Variants in SLF1 observed in about 807,000 individuals in gnomAD.
SLF1 encodes SMC5/6 complex localization factor 1.
SLF1 carries 105 observed loss-of-function variants against 123.0 expected under a neutral mutation model. The observed-to-expected ratio is 0.85, with a 90% CI of 0.73 to 1.00. The LOEUF (loss-of-function observed/expected upper bound fraction) is 1.00, where lower values mean the gene tolerates loss of function less well. Among genes scored for constraint, SLF1 ranks in the 50% least tolerant of loss-of-function variants. The pLI, the probability that SLF1 is intolerant of heterozygous loss-of-function variation, is 0.00. For missense variants in SLF1, 1,239 were observed against 1,223.0 expected (o/e 1.01, Z -0.20); for synonymous variants, 434 against 406.6 (o/e 1.07, Z -0.81).
chr5:94,690,250 T>G (rs1752922331), intron 18 of SLF1, among the ~76,000 whole-genome samples: 1 of 152,142 alleles, frequency 6.6e-6, no homozygotes, highest in Non-Finnish European at 1.5e-5. Context: ...AATTGCTGAG[T>G]CTTTTTTGTT....
intron 12 of SLF1, among the ~76,000 whole-genome samples, chr5:94,666,374 A>T (rs1196856983): frequency 6.6e-6 from 1 of 152,236 alleles, no homozygotes; most frequent in Non-Finnish European, 1.5e-5. Flanking sequence ...AAAAGTGTAG[A>T]CATTTGTAAC....
intron 14 of SLF1, among the ~76,000 whole-genome samples, chr5:94,673,829 G>A (rs1276361132): frequency 6.6e-6 from 1 of 151,364 alleles, no homozygotes; most frequent in Non-Finnish European, 1.5e-5. Flanking sequence ...TCTTTTTGAG[G>A]TACTATTTTT....
At chr5:94,691,986 A>G in intron 19 of SLF1, 88 bp from the exon 20 acceptor site, 1 of 1,293,602 alleles carries the variant, frequency 7.7e-7, no homozygotes, top group Non-Finnish European at 1.1e-6. Context: ...CTAGAAAGTC[A>G]CACTGATGAG....
intron 9 of SLF1, among the ~76,000 whole-genome samples, chr5:94,658,707 G>A (rs1384369168): frequency 6.6e-6 from 1 of 152,098 alleles, no homozygotes; most frequent in East Asian, 1.9e-4. Context: ...TTCAGCTATT[G>A]TTTTTAAAAT....
chr5:94,622,867 G>A (rs1791918396), intron 1 of SLF1, among the ~76,000 whole-genome samples: 3 of 152,038 alleles, frequency 2.0e-5, no homozygotes, highest in Non-Finnish European at 1.5e-5. Flanking sequence ...GTAGAGTAGG[G>A]AAAAGTTTAT....
At chr5:94,687,954 ATATT>A (rs1752626498) in intron 16 of SLF1, among the ~76,000 whole-genome samples, 1 of 148,154 alleles carries the variant, frequency 6.7e-6, no homozygotes, top group Admixed American at 6.7e-5. Context: ...TTAGATATTA[ATATT>A]TAATAATAAT....
At chr5:94,644,055 CCTTA>C (rs1746737453) in intron 5 of SLF1, among the ~76,000 whole-genome samples, 1 of 152,036 alleles carries the variant, frequency 6.6e-6, no homozygotes, top group Non-Finnish European at 1.5e-5. Flanking sequence ...TCTTTCTCTC[CCTTA>C]CTTCTCACAT....
At chr5:94,630,786 A>G (rs1293688892) in intron 4 of SLF1, 43 bp downstream of exon 4, 3 of 1,514,144 alleles carry the variant, frequency 2.0e-6, no homozygotes, top group Non-Finnish European at 2.7e-6. Flanking sequence ...TAATGAGAAA[A>G]TAATTTTGAT....
intron 11 of SLF1, among the ~76,000 whole-genome samples, chr5:94,665,032 T>C (rs1029574972): frequency 6.6e-6 from 1 of 152,150 alleles, no homozygotes; most frequent in Non-Finnish European, 1.5e-5. Flanking sequence ...CTGAAGGCAA[T>C]AGAAAATAAT....
At chr5:94,654,550 A>T in intron 8 of SLF1, 80 bp from the exon 9 acceptor site, 1 of 1,158,516 alleles carries the variant, frequency 8.6e-7, no homozygotes, top group Non-Finnish European at 1.2e-6. Context: ...TGTTCCTCTT[A>T]TATTGTCCTT....
chr5:94,664,057 C>T (rs1257746005), intron 11 of SLF1, 149 bp downstream of exon 11: 1 of 677,052 alleles, frequency 1.5e-6, no homozygotes, highest in Admixed American at 4.0e-5. Context: ...TTTATTACTA[C>T]TGTTCTGTTT....
intron 5 of SLF1, among the ~76,000 whole-genome samples, chr5:94,648,386 C>T (rs183499642): frequency 2.6e-5 from 4 of 152,246 alleles, no homozygotes; most frequent in Admixed American, 1.3e-4. Flanking sequence ...CTAAAGATCA[C>T]GTTAAAGGCC....
chr5:94,645,912 A>T, intron 5 of SLF1, among the ~76,000 whole-genome samples: 2 of 134,630 alleles, frequency 1.5e-5, no homozygotes, highest in Admixed American at 7.3e-5. Context: ...TCCTCATTAG[A>T]TGGATCTTGA....
chr5:94,619,168 C>T (rs1020088251), intron 1 of SLF1, among the ~76,000 whole-genome samples: 2 of 152,174 alleles, frequency 1.3e-5, no homozygotes, highest in African/African-American at 4.8e-5. Flanking sequence ...GACGCCTCAT[C>T]CTGATACCAG....
chr5:94,652,764 A>G (rs1460834813), intron 7 of SLF1, among the ~76,000 whole-genome samples: 1 of 152,208 alleles, frequency 6.6e-6, no homozygotes, highest in East Asian at 1.9e-4. Flanking sequence ...ATGTTCAACT[A>G]TACTAGGCAG....
chr5:94,688,412 A>G, intron 16 of SLF1, 94 bp from the exon 17 acceptor site: 1 of 1,324,894 alleles, frequency 7.5e-7, no homozygotes, highest in South Asian at 1.4e-5. Context: ...AACCAAGAAA[A>G]TATAACCAAA....
intron 7 of SLF1, among the ~76,000 whole-genome samples, chr5:94,652,475 G>C (rs981045867): frequency 6.6e-6 from 1 of 152,038 alleles, no homozygotes; most frequent in Non-Finnish European, 1.5e-5. Context: ...ACATTTTATA[G>C]TTTATGTTAT....
intron 1 of SLF1, among the ~76,000 whole-genome samples, chr5:94,628,073 C>T (rs983191554): frequency 3.3e-5 from 5 of 151,940 alleles, no homozygotes; most frequent in African/African-American, 9.7e-5. Flanking sequence ...GTAATCTGCC[C>T]GCCTCGGCCT....
intron 15 of SLF1, among the ~76,000 whole-genome samples, chr5:94,686,089 A>T (rs1207937863): frequency 6.6e-6 from 1 of 151,602 alleles, no homozygotes; most frequent in Non-Finnish European, 1.5e-5. Context: ...TTCTGCAGTG[A>T]TAAGATTCAT....
Sources: allele counts gnomAD v4.1 joint callset (sites outside exome capture counted in the v4.1 genomes callset), GRCh38; gene constraint gnomAD v4.1.1; transcripts MANE v1.5; gene names NCBI Gene and HGNC (gene_info 2026-07-23, HGNC 2026-07-21).